The following VDAC1 variants were observed in gnomAD, a reference collection of about 807,000 sequenced individuals.
The protein encoded by VDAC1 is voltage dependent anion channel 1.
In VDAC1, 10 loss-of-function variants were observed where a neutral mutation model predicts 34.7. That is an observed-to-expected ratio of 0.29 (90% CI 0.18 to 0.49). The LOEUF (loss-of-function observed/expected upper bound fraction) is 0.49, where lower values mean the gene tolerates loss of function less well. Ranked by LOEUF, VDAC1 falls within the 20% of genes least tolerant of loss-of-function variation. The probability of loss-of-function intolerance (pLI) is 0.99; values close to 1 mark genes in which losing one functional copy is unlikely to be tolerated. For missense variants in VDAC1, 230 were observed against 347.9 expected (o/e 0.66, Z 2.69); for synonymous variants, 130 against 136.0 (o/e 0.96, Z 0.30).
At chr5:134,073,259 A>G in the VDAC1 span, among the ~76,000 whole-genome samples, 1 of 152,188 alleles carries the variant, frequency 6.6e-6, no homozygotes, top group African/African-American at 2.4e-5. Context: ...TGACTCTTCA[A>G]GTAAGTAGAG....
the VDAC1 span, among the ~76,000 whole-genome samples, chr5:134,103,292 T>C: frequency 6.6e-6 from 1 of 152,104 alleles, no homozygotes; most frequent in Non-Finnish European, 1.5e-5. Context: ...TGGCTAACTT[T>C]TGTATTTTTT....
chr5:134,066,874 A>G, the VDAC1 span, among the ~76,000 whole-genome samples: 7 of 152,236 alleles, frequency 4.6e-5, no homozygotes, highest in African/African-American at 1.7e-4. Context: ...TCTATCTGTA[A>G]GAGAGGCTGA....
At chr5:134,106,979 G>A in the VDAC1 span, among the ~76,000 whole-genome samples, 1 of 152,118 alleles carries the variant, frequency 6.6e-6, no homozygotes, top group Admixed American at 6.5e-5. Context: ...GAAGGCCTAA[G>A]GCTACCAGCC....
At chr5:133,986,318 G>A (rs767800900) in intron 5 of VDAC1, among the ~76,000 whole-genome samples, 15 of 152,052 alleles carry the variant, frequency 9.9e-5, no homozygotes, top group Non-Finnish European at 1.3e-4. Context: ...GCCAGCTTTC[G>A]TTTCTAATCT....
chr5:134,021,647 C>A, the VDAC1 span, among the ~76,000 whole-genome samples: 3 of 151,978 alleles, frequency 2.0e-5, no homozygotes, highest in African/African-American at 7.2e-5. Flanking sequence ...GAAAAACCAG[C>A]CCAAGAAATT....
chr5:133,977,386 C>G (rs571540785), intron 6 of VDAC1, among the ~76,000 whole-genome samples: 1 of 152,316 alleles, frequency 6.6e-6, no homozygotes, highest in East Asian at 1.9e-4. Flanking sequence ...GAATGAAACC[C>G]CAGCTGGCCA....
chr5:134,110,949 GA>G, the VDAC1 span, among the ~76,000 whole-genome samples: 1 of 152,238 alleles, frequency 6.6e-6, no homozygotes, highest in Admixed American at 6.5e-5. Context: ...GTTACATGAA[GA>G]GCCAATTAGC....
the VDAC1 span, among the ~76,000 whole-genome samples, chr5:134,113,278 G>A: frequency 1.3e-5 from 2 of 152,240 alleles, no homozygotes; most frequent in Non-Finnish European, 2.9e-5. Context: ...CCTGGGGAAA[G>A]GAGGAAAAGT....
chr5:134,033,949 A>G, the VDAC1 span, among the ~76,000 whole-genome samples: 763 of 152,032 alleles, frequency 5.0e-3, 5 homozygotes, highest in African/African-American at 0.015. Flanking sequence ...CCGAGATCGC[A>G]CCACCGCACT....
the VDAC1 span, among the ~76,000 whole-genome samples, chr5:134,096,769 T>C: frequency 6.6e-6 from 1 of 152,104 alleles, no homozygotes; most frequent in Non-Finnish European, 1.5e-5. Context: ...AATTTTTGTA[T>C]TTTATGTAGA....
chr5:134,079,815 T>C, the VDAC1 span, among the ~76,000 whole-genome samples: 1 of 152,230 alleles, frequency 6.6e-6, no homozygotes, highest in Non-Finnish European at 1.5e-5. Context: ...GGGCCACTGA[T>C]ACCCTAACTT....
chr5:134,040,201 C>T, the VDAC1 span, among the ~76,000 whole-genome samples: 3 of 152,312 alleles, frequency 2.0e-5, no homozygotes, highest in Admixed American at 1.3e-4. Context: ...GAGGCCAAGA[C>T]GGGTGGATCA....
chr5:133,988,447 G>A (rs1307979651), intron 5 of VDAC1, among the ~76,000 whole-genome samples: 1 of 152,102 alleles, frequency 6.6e-6, no homozygotes, highest in Non-Finnish European at 1.5e-5. Flanking sequence ...TTAGCTGGGT[G>A]TGGTGGTGCA....
the VDAC1 span, among the ~76,000 whole-genome samples, chr5:134,075,984 T>C: frequency 2.0e-5 from 3 of 152,128 alleles, no homozygotes; most frequent in Non-Finnish European, 2.9e-5. Context: ...ATGGTTTTTT[T>C]GTTTTTTTGT....
the VDAC1 span, among the ~76,000 whole-genome samples, chr5:134,020,089 G>A: frequency 6.6e-6 from 1 of 151,828 alleles, no homozygotes; most frequent in Non-Finnish European, 1.5e-5. Context: ...AGACTGTGTG[G>A]GGAGGGGTAT....
At chr5:133,978,535 G>C (rs1397153890) in intron 6 of VDAC1, among the ~76,000 whole-genome samples, 2 of 152,234 alleles carry the variant, frequency 1.3e-5, no homozygotes, top group Non-Finnish European at 2.9e-5. Context: ...CCTGTCTTCT[G>C]TAGACAGCCC....
At chr5:133,983,991 C>G (rs1752805626) in intron 5 of VDAC1, among the ~76,000 whole-genome samples, 1 of 152,146 alleles carries the variant, frequency 6.6e-6, no homozygotes, top group Non-Finnish European at 1.5e-5. Flanking sequence ...CTGTGCTCTG[C>G]TTGTACAGAC....
chr5:134,090,131 A>G, the VDAC1 span, among the ~76,000 whole-genome samples: 2 of 152,146 alleles, frequency 1.3e-5, no homozygotes, highest in African/African-American at 4.8e-5. Context: ...CCCCACATTC[A>G]GGCCAAGCTA....
chr5:134,108,685 G>GCT, the VDAC1 span, among the ~76,000 whole-genome samples: 2 of 152,120 alleles, frequency 1.3e-5, no homozygotes, highest in East Asian at 3.9e-4. Context: ...TCCTGGGGAG[G>GCT]GAATACTTGG....
Sources: gnomAD v4.1 joint callset for allele counts (sites outside exome capture counted in the v4.1 genomes callset) on GRCh38, gnomAD v4.1.1 for gene constraint, MANE v1.5 for transcripts, NCBI Gene and HGNC (gene_info 2026-07-23, HGNC 2026-07-21) for gene names.